Variants in CNTN4 observed in about 807,000 individuals in gnomAD.
The protein encoded by CNTN4 is contactin 4.
A neutral mutation model predicts 122.5 loss-of-function variants in CNTN4; 77 were observed. That is an observed-to-expected ratio of 0.63 (90% CI 0.52 to 0.76). The LOEUF is 0.76. CNTN4 is among the 30% of genes least tolerant of loss of function. The pLI, the probability that CNTN4 is intolerant of heterozygous loss-of-function variation, is 0.00. For synonymous variants in CNTN4, 512 were observed against 447.0 expected (o/e 1.15, Z -1.83); for missense variants, 1,256 against 1,259.1 (o/e 1.00, Z 0.04).
At chr3:2,562,573 T>C (rs1000983936) in intron 3 of CNTN4, among the ~76,000 whole-genome samples, 7 of 152,216 alleles carry the variant, frequency 4.6e-5, no homozygotes, top group African/African-American at 1.7e-4. Context: ...TTCATTTTCA[T>C]TGTTGCATAG....
At chr3:2,769,339 C>G (rs2090990072) in intron 6 of CNTN4, among the ~76,000 whole-genome samples, 1 of 152,052 alleles carries the variant, frequency 6.6e-6, no homozygotes, top group Middle Eastern at 3.4e-3. Flanking sequence ...GTGGCGCACA[C>G]CTGTAGTCCT....
intron 2 of CNTN4, among the ~76,000 whole-genome samples, chr3:2,275,078 G>A (rs1048154878): frequency 6.6e-6 from 1 of 152,160 alleles, no homozygotes; most frequent in Non-Finnish European, 1.5e-5. Context: ...GGAGATTAAG[G>A]TAAGAGTAAG....
intron 3 of CNTN4, among the ~76,000 whole-genome samples, chr3:2,503,609 G>T (rs536582970): frequency 6.6e-6 from 1 of 152,192 alleles, no homozygotes; most frequent in Non-Finnish European, 1.5e-5. Context: ...GTTAGTAAGT[G>T]GACAACCCAT....
intron 3 of CNTN4, among the ~76,000 whole-genome samples, chr3:2,445,159 G>C (rs1388198347): frequency 2.0e-5 from 3 of 152,146 alleles, no homozygotes; most frequent in African/African-American, 7.2e-5. Flanking sequence ...ACAGAGGTCA[G>C]AGGATCAGAC....
intron 2 of CNTN4, among the ~76,000 whole-genome samples, chr3:2,253,465 C>A (rs1489871159): frequency 6.6e-6 from 1 of 152,084 alleles, no homozygotes; most frequent in African/African-American, 2.4e-5. Flanking sequence ...ACGATTTATA[C>A]CATAATTCTA....
At position 2,100,539 on chromosome 3, in the gene CNTN4, TTCTC is replaced by T. The variant is rs151226048; in HGVS notation, c.-226-11_-226-8del. ...GCCTAATAGCAAGTTTGTTCTCTCTTTCTCTCTCTCTACCCAAGTGGGTGAAAAA... is the reference window on the plus strand; with the variant it reads ...GCCTAATAGCAAGTTTGTTCTCTCTTTCTCTCTACCCAAGTGGGTGAAAAA... On this transcript the variant is annotated splice_polypyrimidine_tract_variant and intron_variant, in intron 1 of 24. Coordinates refer to ENST00000418658, the MANE Select transcript of CNTN4 (RefSeq NM_175607.3). 1 of 152,212 alleles carries T rather than the reference TTCTC, an allele frequency of 6.6e-6. No homozygotes were observed. The highest frequency in any genetic ancestry group is 2.1e-4 in the South Asian group (1 of 4,828). The allele number at this position is 152,212 out of a possible 1,614,324, so 9.4% of individuals were successfully genotyped here. A position where few individuals can be genotyped will look rare whatever the true frequency, so the allele number is the denominator to read the frequency against.
Position 2,385,112 on chromosome 3 carries a change from A to G in CNTN4, c.-89+45879A>G, listed in dbSNP as rs751353432. Among the ~76,000 whole-genome samples the G allele has an allele frequency of 2.0e-5, 3 of 152,072 alleles. No individual in the cohort carries two copies. The highest frequency in any genetic ancestry group is 4.4e-5 in the Non-Finnish European group (3 of 68,014). ...AAATTACATTGCTGATATCAGAGTG[A>G]CCTGTTAAAAGTATAAACATATCAT... On this transcript the variant is annotated intron_variant, in intron 3 of 24. Transcript: ENST00000418658. The surrounding 1 kb of genome is among the most constrained non-coding windows in gnomAD (Gnocchi z 4.0).
intron 6 of CNTN4, among the ~76,000 whole-genome samples, chr3:2,792,996 C>T: frequency 6.6e-6 from 1 of 152,182 alleles, no homozygotes; most frequent in East Asian, 1.9e-4. Context: ...AGACATGTAA[C>T]CTCCTTGGGG....
At chr3:2,521,474 C>T (rs1196777998) in intron 3 of CNTN4, among the ~76,000 whole-genome samples, 1 of 151,594 alleles carries the variant, frequency 6.6e-6, no homozygotes, top group Non-Finnish European at 1.5e-5. Context: ...TACAGCCATC[C>T]CTCCCTAGGA....
intron 6 of CNTN4, among the ~76,000 whole-genome samples, chr3:2,808,939 A>G (rs1413904712): frequency 6.6e-6 from 1 of 152,240 alleles, no homozygotes; most frequent in African/African-American, 2.4e-5. Flanking sequence ...CCCTAGTCCA[A>G]CAGGTCTCAC....
At chr3:2,515,157 G>A (rs1397168893) in intron 3 of CNTN4, among the ~76,000 whole-genome samples, 1 of 152,054 alleles carries the variant, frequency 6.6e-6, no homozygotes, top group Non-Finnish European at 1.5e-5. Flanking sequence ...CTGATATACT[G>A]CTCTGTTATA....
chr3:2,580,037 ATG>A (rs5846194), intron 4 of CNTN4, among the ~76,000 whole-genome samples: 126,801 of 150,004 alleles, frequency 0.85, 54,364 homozygotes, highest in Non-Finnish European at 0.92. Context: ...TTAAGCTTGT[ATG>A]TGTGTGTGTG....
chr3:2,613,383 G>C (rs1018651844), intron 4 of CNTN4, among the ~76,000 whole-genome samples: 1 of 151,946 alleles, frequency 6.6e-6, no homozygotes, highest in Non-Finnish European at 1.5e-5. Flanking sequence ...ATAGACTTGT[G>C]GATGGGCCCA....
intron 2 of CNTN4, among the ~76,000 whole-genome samples, chr3:2,271,526 A>G (rs2041298538): frequency 6.6e-6 from 1 of 152,186 alleles, no homozygotes; most frequent in South Asian, 2.1e-4. Flanking sequence ...TCATAGGTTT[A>G]TTATAAAAAA....
intron 3 of CNTN4, among the ~76,000 whole-genome samples, chr3:2,474,776 G>A (rs2075789360): frequency 6.6e-6 from 1 of 152,042 alleles, no homozygotes; most frequent in Non-Finnish European, 1.5e-5. Context: ...GTACATGAAT[G>A]CATAATTTTC....
At chr3:2,408,419 G>T (rs1575570433) in intron 3 of CNTN4, among the ~76,000 whole-genome samples, 1 of 152,280 alleles carries the variant, frequency 6.6e-6, no homozygotes, top group African/African-American at 2.4e-5. Flanking sequence ...GAAAAAAGTG[G>T]TAAGAGGTAC....
chr3:2,705,153 G>C (rs1260412915), intron 4 of CNTN4, among the ~76,000 whole-genome samples: 1 of 151,294 alleles, frequency 6.6e-6, no homozygotes, highest in Admixed American at 6.6e-5. Context: ...CGGATCACGA[G>C]GTCAGGAGAT....
At chr3:2,893,977 G>A (rs1056313406) in intron 10 of CNTN4, among the ~76,000 whole-genome samples, 1 of 151,998 alleles carries the variant, frequency 6.6e-6, no homozygotes, top group African/African-American at 2.4e-5. Context: ...AATTTAAATG[G>A]AGAATTTAAC....
At chr3:2,384,734 C>G (rs749821388) in intron 3 of CNTN4, among the ~76,000 whole-genome samples, 2 of 151,418 alleles carry the variant, frequency 1.3e-5, no homozygotes, top group Non-Finnish European at 2.9e-5. Flanking sequence ...GTCCCTGGCT[C>G]CTACACCAGT....
Sources: gnomAD v4.1 joint callset for allele counts (sites outside exome capture counted in the v4.1 genomes callset) on GRCh38, gnomAD v4.1.1 for gene constraint, Gnocchi (gnomAD v3.1) non-coding constraint, MANE v1.5 for transcripts, NCBI Gene and HGNC (gene_info 2026-07-23, HGNC 2026-07-21) for gene names.